CACNA2D3: variants seen among roughly 807,000 people sequenced by gnomAD.
CACNA2D3 encodes the protein calcium voltage-gated channel auxiliary subunit alpha2delta 3.
A neutral mutation model predicts 160.6 loss-of-function variants in CACNA2D3; 60 were observed. That is an observed-to-expected ratio of 0.37 (90% CI 0.30 to 0.46). CACNA2D3 has a LOEUF of 0.46. Among genes scored for constraint, CACNA2D3 ranks in the 20% least tolerant of loss-of-function variants. CACNA2D3 has a pLI of 1.00. For synonymous variants in CACNA2D3, 558 were observed against 492.9 expected (o/e 1.13, Z -1.75); for missense variants, 1,205 against 1,365.0 (o/e 0.88, Z 1.85).
At chr3:54,327,969 A>G (rs1704153732) in intron 3 of CACNA2D3, among the ~76,000 whole-genome samples, 1 of 152,264 alleles carries the variant, frequency 6.6e-6, no homozygotes, top group Admixed American at 6.5e-5. Flanking sequence ...GTTCCAATCA[A>G]GCAGCTCTCT....
At chr3:54,647,345 G>A (rs935276627) in intron 11 of CACNA2D3, among the ~76,000 whole-genome samples, 5 of 152,200 alleles carry the variant, frequency 3.3e-5, no homozygotes, top group African/African-American at 1.2e-4. Flanking sequence ...ACCTAGCAAT[G>A]CTATAAAGCA....
chr3:54,763,653 A>ATGTGTGTG (rs34209151), intron 12 of CACNA2D3, among the ~76,000 whole-genome samples: 61 of 140,724 alleles, frequency 4.3e-4, no homozygotes, highest in African/African-American at 1.5e-3. Context: ...GTGTATATAT[A>ATGTGTGTG]TGTGTGTGTG....
rs79877385 is a variant in CACNA2D3, at chr3:55,031,220, T to C, written c.2987+12903T>C. On this transcript the variant is annotated intron_variant, in intron 35 of 37. Coordinates refer to ENST00000474759, the MANE Select transcript of CACNA2D3 (RefSeq NM_018398.3). Reference sequence around the variant, plus strand: ...CATTGTCTCCATCCTGGTGGTTGTTTGTGCTGTGACTCCCTCTATCCCTAC... The same window carrying C: ...CATTGTCTCCATCCTGGTGGTTGTTCGTGCTGTGACTCCCTCTATCCCTAC... Among the ~76,000 whole-genome samples, 812 of 152,318 alleles carry C rather than the reference T, an allele frequency of 5.3e-3. 5 individuals are homozygous for C. The highest frequency in any genetic ancestry group is 0.018 in the African/African-American group (762 of 41,568).
intron 11 of CACNA2D3, among the ~76,000 whole-genome samples, chr3:54,751,478 A>T (rs1272986492): frequency 2.0e-5 from 3 of 151,922 alleles, no homozygotes; most frequent in Non-Finnish European, 4.4e-5. Context: ...TAATCTCTTC[A>T]TGTATTGAGT....
intron 2 of CACNA2D3, among the ~76,000 whole-genome samples, chr3:54,295,577 G>T (rs1032119341): frequency 6.6e-6 from 1 of 152,176 alleles, no homozygotes; most frequent in Non-Finnish European, 1.5e-5. Flanking sequence ...ATAGGTAGAT[G>T]AGAGACAAAC....
At chr3:54,937,075 A>G (rs191521760) in intron 27 of CACNA2D3, among the ~76,000 whole-genome samples, 4 of 152,286 alleles carry the variant, frequency 2.6e-5, no homozygotes, top group Admixed American at 1.3e-4. Context: ...TTCACCCCTT[A>G]GAGACTGGTG....
At chr3:54,152,332 T>C (rs1700168084) in intron 2 of CACNA2D3, among the ~76,000 whole-genome samples, 1 of 152,250 alleles carries the variant, frequency 6.6e-6, no homozygotes, top group South Asian at 2.1e-4. Flanking sequence ...CCTGTTTCTT[T>C]AAAAGCTGCA....
chr3:54,253,123 G>C (rs1003545827), intron 2 of CACNA2D3, among the ~76,000 whole-genome samples: 1 of 84,094 alleles, frequency 1.2e-5, no homozygotes, highest in African/African-American at 4.7e-5. Context: ...TTTTTTTTTT[G>C]CTCAGATCAT....
At chr3:54,440,454 G>A (rs1437700086) in intron 4 of CACNA2D3, among the ~76,000 whole-genome samples, 1 of 152,012 alleles carries the variant, frequency 6.6e-6, no homozygotes, top group African/African-American at 2.4e-5. Flanking sequence ...TCAAGGGTAG[G>A]AATGGTGTCT....
At chr3:54,415,039 T>C (rs1040320028) in intron 4 of CACNA2D3, among the ~76,000 whole-genome samples, 2 of 152,068 alleles carry the variant, frequency 1.3e-5, no homozygotes, top group East Asian at 1.9e-4. Flanking sequence ...AAGGGGGCAT[T>C]TGGGGACACC....
intron 27 of CACNA2D3, among the ~76,000 whole-genome samples, chr3:54,965,447 C>G (rs1702126439): frequency 6.6e-6 from 1 of 152,176 alleles, no homozygotes; most frequent in South Asian, 2.1e-4. Context: ...AGTGGGCTCT[C>G]CATGCCTCAC....
At chr3:54,448,303 T>C (rs1485074282) in intron 4 of CACNA2D3, among the ~76,000 whole-genome samples, 1 of 152,152 alleles carries the variant, frequency 6.6e-6, no homozygotes, top group Non-Finnish European at 1.5e-5. Context: ...TCAGAGCTAA[T>C]GGGAGTAAGT....
intron 13 of CACNA2D3, among the ~76,000 whole-genome samples, chr3:54,811,980 C>T (rs1009846288): frequency 3.9e-5 from 6 of 152,146 alleles, no homozygotes; most frequent in African/African-American, 1.4e-4. Context: ...ATAGGTAAAG[C>T]ACTTCAAATG....
chr3:54,302,381 A>T (rs1333212164), intron 2 of CACNA2D3, among the ~76,000 whole-genome samples: 1 of 152,134 alleles, frequency 6.6e-6, no homozygotes, highest in African/African-American at 2.4e-5. Flanking sequence ...TGTGGAGGGG[A>T]CTTACCATCT....
chr3:54,419,482 A>G (rs1211968090), intron 4 of CACNA2D3, among the ~76,000 whole-genome samples: 2 of 152,194 alleles, frequency 1.3e-5, no homozygotes, highest in Non-Finnish European at 2.9e-5. Flanking sequence ...ATTTTATACT[A>G]TTGTTCCAAT....
At chr3:55,005,041 C>T (rs368340477) in intron 32 of CACNA2D3, among the ~76,000 whole-genome samples, 214 of 151,588 alleles carry the variant, frequency 1.4e-3, no homozygotes, top group African/African-American at 5.0e-3. Context: ...TTTGGGAGGC[C>T]GAGGTGGCTG....
Position 54,189,828 on chromosome 3 carries a change from G to T in CACNA2D3, c.204+66234G>T, listed in dbSNP as rs9861079. ...ACGTGTTGTGCCTTCACCTTAGATTGTTTACAAAAGGAGTTGTTTTCTTAT... is the reference window on the plus strand; with the variant it reads ...ACGTGTTGTGCCTTCACCTTAGATTTTTTACAAAAGGAGTTGTTTTCTTAT... On this transcript the variant is annotated intron_variant, in intron 2 of 37. Transcript: ENST00000474759. Among the ~76,000 whole-genome samples, 311 of 152,228 alleles carry T rather than the reference G, an allele frequency of 2.0e-3. 1 individual carries two copies. Among genetic ancestry groups the T allele is most frequent in the African/African-American group, 6.9e-3 (287 of 41,530 alleles).
At chr3:54,337,947 A>G (rs1704424751) in intron 3 of CACNA2D3, among the ~76,000 whole-genome samples, 1 of 152,222 alleles carries the variant, frequency 6.6e-6, no homozygotes, top group South Asian at 2.1e-4. Flanking sequence ...TTATTAAGAC[A>G]CAGGCTGCCA....
chr3:54,602,575 C>T (rs181322746), intron 9 of CACNA2D3, among the ~76,000 whole-genome samples: 245 of 151,332 alleles, frequency 1.6e-3, no homozygotes, highest in African/African-American at 5.2e-3. Context: ...GGGCAGAGGC[C>T]GTCTGAGCAC....
Sources: allele counts gnomAD v4.1 joint callset (sites outside exome capture counted in the v4.1 genomes callset), GRCh38; gene constraint gnomAD v4.1.1; transcripts MANE v1.5; gene names NCBI Gene and HGNC (gene_info 2026-07-23, HGNC 2026-07-21).